The following PCNT variants were observed in gnomAD, a reference collection of about 807,000 sequenced individuals.
PCNT encodes the protein kendrin.
A neutral mutation model predicts 380.4 loss-of-function variants in PCNT; 319 were observed. That is an observed-to-expected ratio of 0.84 (90% CI 0.77 to 0.92). The LOEUF (loss-of-function observed/expected upper bound fraction) is 0.92. Ranked by LOEUF, PCNT falls within the 40% of genes least tolerant of loss-of-function variation. The pLI, the probability that PCNT is intolerant of heterozygous loss-of-function variation, is 0.00. For synonymous variants in PCNT, 1,845 were observed against 1,735.2 expected, an observed-to-expected ratio of 1.06 and a Z score of -1.57; for missense variants, 4,400 against 4,255.3, an observed-to-expected ratio of 1.03 and a Z score of -0.95.
chr21:46,367,307 G>C (rs2084963740), intron 15 of PCNT, among the ~76,000 whole-genome samples, 168 bp downstream of exon 15: 1 of 143,924 alleles, frequency 6.9e-6, no homozygotes, highest in African/African-American at 2.5e-5. Flanking sequence ...TTTGTGAACT[G>C]GGCTTTTTTT....
At chr21:46,340,819 G>A (rs150283624) in intron 3 of PCNT, among the ~76,000 whole-genome samples, 3,124 of 152,156 alleles carry the variant, frequency 0.021, 51 homozygotes, top group Non-Finnish European at 0.031. Context: ...ACAGGTGCCC[G>A]CCACCATGCT....
chr21:46,391,492 C>A, intron 21 of PCNT, 116 bp downstream of exon 21: 1 of 821,136 alleles, frequency 1.2e-6, no homozygotes, highest in Non-Finnish European at 1.9e-6. Context: ...TGTAAACCAG[C>A]ACGCAGCTTC....
At chr21:46,408,286 T>G (rs936719794) in intron 27 of PCNT, among the ~76,000 whole-genome samples, 1 of 152,236 alleles carries the variant, frequency 6.6e-6, no homozygotes, top group Non-Finnish European at 1.5e-5. Context: ...CACAGTTTGT[T>G]GATCCATTCA....
At chr21:46,354,876 G>A (rs1444802905) in intron 11 of PCNT, among the ~76,000 whole-genome samples, 1 of 152,218 alleles carries the variant, frequency 6.6e-6, no homozygotes, top group African/African-American at 2.4e-5. Flanking sequence ...GGAAATGCCA[G>A]AGAAGGGCAA....
In PCNT at chr21:46,396,815, C is replaced by G. The variant is rs2086224794; in HGVS notation, c.4217-450C>G. Among the ~76,000 whole-genome samples, 4 of 152,120 alleles carry G rather than the reference C, an allele frequency of 2.6e-5. No homozygotes were observed. The South Asian group carries it at 8.3e-4, about 32-fold the overall frequency. The stretch of plus-strand genomic sequence containing the variant: ...ACAGGGTTTTACCATGATGGCCAGG[C>G]TGGTCTCAAACTCCTGACGTCGAGT... On this transcript the variant is annotated intron_variant, in intron 21 of 46. Transcript: ENST00000359568.
chr21:46,332,462 G>A (rs2146325953), intron 2 of PCNT, among the ~76,000 whole-genome samples: 1 of 152,318 alleles, frequency 6.6e-6, no homozygotes, highest in East Asian at 1.9e-4. Context: ...CAACCTCTTT[G>A]TATCAAGTAA....
chr21:46,333,628 C>G (rs62224211), intron 2 of PCNT, among the ~76,000 whole-genome samples: 1 of 151,058 alleles, frequency 6.6e-6, no homozygotes, highest in Non-Finnish European at 1.5e-5. Flanking sequence ...AGGCTGGGCA[C>G]GGTTACTCAC....
chr21:46,350,915 C>T (rs187615788), intron 8 of PCNT, among the ~76,000 whole-genome samples: 2 of 152,344 alleles, frequency 1.3e-5, no homozygotes, highest in African/African-American at 4.8e-5. Context: ...GAGGAAATCA[C>T]GCCATGCTGC....
rs772611780 is a variant in PCNT at position 46,349,111 on chromosome 21, A to T, written c.1132A>T (p.Asn378Tyr). The change falls in exon 7 of 47, where the codon AAC becomes TAC. Residue 378 changes from asparagine to tyrosine, a missense_variant. Asn to Tyr is a moderately radical substitution (Grantham distance 143). Transcript: ENST00000359568. ...TCAATCAGAAATGGAGGATTTACAA[A>T]ACCAGTTTCAGAAAGAATTGGCAGA... The part of the protein sequence containing the change: ...KHQSEMEDLQ[N>Y]QFQKELAEQR... 3.7e-6 allele frequency: 6 copies of T among 1,613,326 alleles called. No individual in the cohort carries two copies. The East Asian group carries it at 1.3e-4, about 36-fold the overall frequency.
intron 13 of PCNT, among the ~76,000 whole-genome samples, chr21:46,359,956 A>G (rs979398965): frequency 2.7e-5 from 4 of 150,250 alleles, no homozygotes; most frequent in Non-Finnish European, 5.9e-5. Flanking sequence ...TCCCAGGCTC[A>G]AGGGATCCTC....
chr21:46,438,777 A>G (rs1047047704), intron 41 of PCNT, among the ~76,000 whole-genome samples: 7 of 150,720 alleles, frequency 4.6e-5, no homozygotes, highest in African/African-American at 1.5e-4. Flanking sequence ...GGTTCAAGCA[A>G]TTCTCCTGTG....
chr21:46,427,597 C>T (rs2087562371), intron 33 of PCNT, 25 bp from the exon 34 acceptor site: 1 of 1,613,596 alleles, frequency 6.2e-7, no homozygotes, highest in African/African-American at 1.3e-5. Context: ...TGTGAGGACG[C>T]CACGTTTCTT....
At position 46,441,023 on chromosome 21, in the gene PCNT, A is replaced by G; in HGVS notation, c.9562A>G (p.Ile3188Val). 1 of 1,614,176 alleles carries G rather than the reference A, an allele frequency of 6.2e-7. No individual in the cohort carries two copies. Among genetic ancestry groups the G allele is most frequent in the Non-Finnish European group, 8.5e-7 (1 of 1,180,030 alleles). Residue 3188 changes from isoleucine to valine, a missense_variant, in exon 43 of 47, where the codon ATC becomes GTC. Ile to Val is a conservative substitution (Grantham distance 29). Transcript: ENST00000359568. The stretch of plus-strand genomic sequence containing the variant: ...ATTTCCTTCCAAAGCAGAACGGAAA[A>G]TCACATCTCGTCCTTTCACCAGGTT... ...GVFPSKAERK[I>V]TSRPFTRFRT...
At chr21:46,444,648 T>A in intron 45 of PCNT, 46 bp from the exon 46 acceptor site, 2 of 15,016 alleles carry the variant, frequency 1.3e-4, no homozygotes, top group Non-Finnish European at 2.4e-4. Flanking sequence ...AACTCAACTC[T>A]TTTTTTTTTT....
chr21:46,440,627 G>A (rs1331073845), intron 42 of PCNT, among the ~76,000 whole-genome samples: 1 of 152,236 alleles, frequency 6.6e-6, no homozygotes, highest in Non-Finnish European at 1.5e-5. Context: ...TGATGATGCT[G>A]TGGAGAGGAG....
intron 13 of PCNT, among the ~76,000 whole-genome samples, chr21:46,360,253 C>T (rs186827502): frequency 1.6e-5 from 2 of 124,176 alleles, no homozygotes; most frequent in Middle Eastern, 6.3e-3. Context: ...GACGGAATCT[C>T]ACTCTGTTGC....
chr21:46,442,769 A>G (rs1265727728), intron 44 of PCNT, 196 bp downstream of exon 44: 2 of 634,304 alleles, frequency 3.2e-6, no homozygotes, highest in Non-Finnish European at 5.7e-6. Context: ...CATGTTAGCT[A>G]TGAACACAGG....
At position 46,432,099 on chromosome 21, in the gene PCNT, C is replaced by T. The variant is rs1193784761; in HGVS notation, c.8635C>T (p.His2879Tyr). The T allele has an allele frequency of 3.1e-6, 5 of 1,614,140 alleles. No individual in the cohort carries two copies. Among genetic ancestry groups the T allele is most frequent in the East Asian group, 2.2e-5 (1 of 44,882 alleles). Residue 2879 changes from histidine to tyrosine, a missense_variant, in exon 38 of 47, where the codon CAC becomes TAC. Coordinates refer to ENST00000359568, the MANE Select transcript of PCNT (RefSeq NM_006031.6). The stretch of plus-strand genomic sequence containing the variant: ...GTTGCAGGCAGAATTAGAGCAGTCA[C>T]ACCCACGGTTGAAAGAGCAAGAAGG... Reference protein sequence around the residue: ...AWLQAELEQSHPRLKEQEGRK... With the variant: ...AWLQAELEQSYPRLKEQEGRK...
At chr21:46,389,118 G>A in intron 18 of PCNT, 81 bp from the exon 19 acceptor site, 6 of 1,430,014 alleles carry the variant, frequency 4.2e-6, no homozygotes, top group Non-Finnish European at 5.9e-6. Flanking sequence ...GAGTTCTGTG[G>A]CTTCCTTGTC....
Sources: gnomAD v4.1 joint callset for allele counts (sites outside exome capture counted in the v4.1 genomes callset) on GRCh38, gnomAD v4.1.1 for gene constraint, MANE v1.5 for transcripts, NCBI Gene and HGNC (gene_info 2026-07-23, HGNC 2026-07-21) for gene names.